Variants in ADAMTS12 observed in about 807,000 individuals in gnomAD.
The protein encoded by ADAMTS12 is ADAM metallopeptidase with thrombospondin type 1 motif 12, also known as A disintegrin and metalloproteinase with thrombospondin motifs 12.
Under a neutral mutation model 167.8 loss-of-function variants are expected in ADAMTS12, and 118 were observed. That is an observed-to-expected ratio of 0.70 (90% confidence interval 0.61 to 0.82). The LOEUF (loss-of-function observed/expected upper bound fraction) is 0.82, where lower values mean the gene tolerates loss of function less well. ADAMTS12 is among the 40% of genes least tolerant of loss of function. ADAMTS12 has a pLI of 0.00. For missense variants in ADAMTS12, 1,916 were observed against 1,998.8 expected, an observed-to-expected ratio of 0.96 and a Z score of 0.79; for synonymous variants, 704 against 716.9, an observed-to-expected ratio of 0.98 and a Z score of 0.29.
intron 2 of ADAMTS12, among the ~76,000 whole-genome samples, chr5:33,844,916 A>G (rs1748888273): frequency 6.6e-6 from 1 of 152,204 alleles, no homozygotes; most frequent in Non-Finnish European, 1.5e-5. Flanking sequence ...TGGAAAATAG[A>G]AAAGAACCTA....
chr5:33,873,906 A>G (rs992359284), intron 2 of ADAMTS12, among the ~76,000 whole-genome samples: 2 of 152,204 alleles, frequency 1.3e-5, no homozygotes, highest in African/African-American at 4.8e-5. Context: ...TAAATCTTAT[A>G]TTCTTCAAGA....
chr5:33,683,743 A>G, intron 4 of ADAMTS12, 116 bp downstream of exon 4: 1 of 622,650 alleles, frequency 1.6e-6, no homozygotes, highest in Non-Finnish European at 2.4e-6. Flanking sequence ...ATTCACATAT[A>G]TATTTATAAA....
At chr5:33,816,771 A>G (rs1747669978) in intron 2 of ADAMTS12, among the ~76,000 whole-genome samples, 1 of 152,154 alleles carries the variant, frequency 6.6e-6, no homozygotes, top group Admixed American at 6.5e-5. Flanking sequence ...ACTGAGGATG[A>G]GAAGCTGAAG....
chr5:33,557,255 T>C (rs965114894), intron 20 of ADAMTS12, among the ~76,000 whole-genome samples: 1 of 152,182 alleles, frequency 6.6e-6, no homozygotes, highest in African/African-American at 2.4e-5. Flanking sequence ...TGGAATAATG[T>C]AGAAAATTCC....
Position 33,809,819 on chromosome 5 carries a change from G to A in ADAMTS12, c.490-58271C>T, listed in dbSNP as rs114124484. Among the ~76,000 whole-genome samples the A allele has an allele frequency of 4.5e-3, 692 of 152,114 alleles. 3 individuals carry two copies. Among genetic ancestry groups the A allele is most frequent in the African/African-American group, 0.016 (651 of 41,486 alleles). On this transcript the variant is annotated intron_variant, in intron 2 of 23. Transcript: ENST00000504830. ...AATGTGACATTTTAGTAAAGACGTG[G>A]AGCATGCTGGAGAGACAGAGTTCCA... is the stretch of plus-strand genomic sequence containing the variant.
At chr5:33,563,660 A>G (rs1745857551) in intron 19 of ADAMTS12, among the ~76,000 whole-genome samples, 1 of 152,196 alleles carries the variant, frequency 6.6e-6, no homozygotes, top group South Asian at 2.1e-4. Flanking sequence ...TTTACAGTTA[A>G]CTGACTGGCC....
intron 2 of ADAMTS12, among the ~76,000 whole-genome samples, chr5:33,862,430 C>T (rs1749654501): frequency 6.6e-6 from 1 of 152,156 alleles, no homozygotes; most frequent in Admixed American, 6.5e-5. Context: ...ACACAGTAAA[C>T]TAGAAAATCT....
rs186009405 is a variant in ADAMTS12, at chr5:33,582,192, T to C, written c.2866-5032A>G. Among the ~76,000 whole-genome samples, 5 of 152,278 alleles carry C rather than the reference T, an allele frequency of 3.3e-5. No homozygotes were observed. In the East Asian group the frequency reaches 9.6e-4, roughly 29 times the overall value. Reference sequence around the variant, plus strand: ...TCAGACCTGAGGAGGACAATCAACATAGCTCTCAGCTGGTTTTCTGTGAGT... The same window carrying C: ...TCAGACCTGAGGAGGACAATCAACACAGCTCTCAGCTGGTTTTCTGTGAGT... On this transcript the variant is annotated intron_variant, in intron 18 of 23. Coordinates refer to ENST00000504830, the MANE Select transcript of ADAMTS12 (RefSeq NM_030955.4).
intron 16 of ADAMTS12, among the ~76,000 whole-genome samples, chr5:33,607,180 A>G (rs1488091351): frequency 6.6e-5 from 10 of 151,972 alleles, no homozygotes; most frequent in African/African-American, 2.4e-4. Context: ...CTTATTGTCT[A>G]TTGGGATCTA....
At chr5:33,596,580 G>A (rs943214485) in intron 16 of ADAMTS12, among the ~76,000 whole-genome samples, 1 of 152,180 alleles carries the variant, frequency 6.6e-6, no homozygotes, top group Non-Finnish European at 1.5e-5. Context: ...TACTTGGGAG[G>A]CTGAGGCAGG....
At chr5:33,708,040 C>T (rs542396204) in intron 3 of ADAMTS12, among the ~76,000 whole-genome samples, 19 of 152,262 alleles carry the variant, frequency 1.2e-4, no homozygotes, top group African/African-American at 3.9e-4. Context: ...TTTTTGCAAT[C>T]TATCCATCTG....
intron 20 of ADAMTS12, among the ~76,000 whole-genome samples, chr5:33,550,073 A>G (rs537460016): frequency 1.3e-5 from 2 of 152,128 alleles, no homozygotes; most frequent in South Asian, 4.2e-4. Flanking sequence ...CCCGATAGCC[A>G]CTACACAGGC....
chr5:33,590,005 T>C (rs1747554901), intron 17 of ADAMTS12, among the ~76,000 whole-genome samples: 1 of 152,230 alleles, frequency 6.6e-6, no homozygotes, highest in Non-Finnish European at 1.5e-5. Context: ...ATTTATTCTT[T>C]GGTGTTTAAC....
intron 3 of ADAMTS12, among the ~76,000 whole-genome samples, chr5:33,734,864 C>T (rs1344821167): frequency 6.6e-6 from 1 of 152,206 alleles, no homozygotes; most frequent in Non-Finnish European, 1.5e-5. Context: ...GCCACCCTGA[C>T]AGGGTCTGTA....
chr5:33,808,793 G>T lies in ADAMTS12; in HGVS notation c.490-57245C>A, dbSNP rs182806454. Among the ~76,000 whole-genome samples, 259 of 152,202 alleles carry T rather than the reference G, an allele frequency of 1.7e-3. 1 individual carries two copies. The highest frequency in any genetic ancestry group is 5.5e-3 in the Admixed American group (84 of 15,294). ...TCCTTTCACAGATGAAGAAACTGAG[G>T]CCCAAGGAGATTAAAAGTCTTCCTT... On this transcript the variant is annotated intron_variant, in intron 2 of 23. Coordinates refer to ENST00000504830, the MANE Select transcript of ADAMTS12 (RefSeq NM_030955.4).
At chr5:33,598,313 A>G (rs1738014367) in intron 16 of ADAMTS12, among the ~76,000 whole-genome samples, 1 of 152,184 alleles carries the variant, frequency 6.6e-6, no homozygotes, top group African/African-American at 2.4e-5. Context: ...TAGGATAGCC[A>G]AGGGCTTCTT....
intron 3 of ADAMTS12, among the ~76,000 whole-genome samples, chr5:33,701,383 G>A (rs537310366): frequency 1.3e-5 from 2 of 152,092 alleles, no homozygotes; most frequent in East Asian, 1.9e-4. Flanking sequence ...TACTCTTTTC[G>A]TTAAGTATGA....
At chr5:33,678,055 A>G (rs1741983227) in intron 5 of ADAMTS12, among the ~76,000 whole-genome samples, 1 of 152,206 alleles carries the variant, frequency 6.6e-6, no homozygotes, top group Non-Finnish European at 1.5e-5. Flanking sequence ...TAGAATAAGA[A>G]CGACAAGAGT....
intron 2 of ADAMTS12, among the ~76,000 whole-genome samples, chr5:33,763,440 A>C (rs756404071): frequency 1.3e-4 from 20 of 152,334 alleles, no homozygotes; most frequent in Admixed American, 4.6e-4. Context: ...TGGACTCTCC[A>C]AAAGGAAGGT....
Sources: gnomAD v4.1 joint callset for allele counts (sites outside exome capture counted in the v4.1 genomes callset) on GRCh38, gnomAD v4.1.1 for gene constraint, MANE v1.5 for transcripts, NCBI Gene and HGNC (gene_info 2026-07-23, HGNC 2026-07-21) for gene names.